The following PTPN12 variants were observed in gnomAD, a reference collection of about 807,000 sequenced individuals.
PTPN12 encodes tyrosine-protein phosphatase non-receptor type 12.
A neutral mutation model predicts 97.6 loss-of-function variants in PTPN12; 29 were observed. That is an observed-to-expected ratio of 0.30 (90% confidence interval 0.22 to 0.41). PTPN12 has a LOEUF of 0.41. Ranked by LOEUF, PTPN12 falls within the 10% of genes least tolerant of loss-of-function variation. The pLI is 1.00. For missense variants in PTPN12, 819 were observed against 926.0 expected (o/e 0.88, Z 1.50); for synonymous variants, 327 against 300.4 (o/e 1.09, Z -0.91).
At chr7:77,558,320 GT>G (rs1807823200) in intron 1 of PTPN12, among the ~76,000 whole-genome samples, 1 of 152,140 alleles carries the variant, frequency 6.6e-6, no homozygotes, top group South Asian at 2.1e-4. Context: ...GGTGAAGCCT[GT>G]TTTGGAAGGC....
intron 2 of PTPN12, among the ~76,000 whole-genome samples, chr7:77,575,974 C>T (rs1381399289): frequency 6.6e-6 from 1 of 152,130 alleles, no homozygotes; most frequent in Non-Finnish European, 1.5e-5. Context: ...GTCTCAGCCT[C>T]CTGAGTAGCT....
At chr7:77,596,664 A>G (rs1788032053) in intron 6 of PTPN12, among the ~76,000 whole-genome samples, 1 of 152,222 alleles carries the variant, frequency 6.6e-6, no homozygotes, top group Admixed American at 6.5e-5. Context: ...CGTCCACCTC[A>G]GCCTCTCAAA....
At chr7:77,566,666 G>A (rs1229088203) in intron 1 of PTPN12, among the ~76,000 whole-genome samples, 2 of 152,104 alleles carry the variant, frequency 1.3e-5, no homozygotes, top group Admixed American at 1.3e-4. Flanking sequence ...TAAGACTGCA[G>A]TGAGCTGTGA....
At chr7:77,566,181 G>A (rs1808247872) in intron 1 of PTPN12, among the ~76,000 whole-genome samples, 1 of 152,224 alleles carries the variant, frequency 6.6e-6, no homozygotes, top group Non-Finnish European at 1.5e-5. Flanking sequence ...GCTAGTCATA[G>A]TGGTGGTGAG....
chr7:77,620,433 T>A (rs952253749), intron 12 of PTPN12, among the ~76,000 whole-genome samples: 11 of 152,242 alleles, frequency 7.2e-5, no homozygotes, highest in Non-Finnish European at 1.5e-4. Context: ...CATGCATAGG[T>A]CACCTTTTTT....
At chr7:77,579,059 A>AT (rs1159308473) in intron 2 of PTPN12, among the ~76,000 whole-genome samples, 3 of 152,198 alleles carry the variant, frequency 2.0e-5, no homozygotes, top group Admixed American at 2.0e-4. Flanking sequence ...CGTTCCAGTC[A>AT]TTTAAAAAAA....
chr7:77,591,721 C>G (rs541705542), intron 5 of PTPN12, among the ~76,000 whole-genome samples: 38 of 152,142 alleles, frequency 2.5e-4, no homozygotes, highest in Non-Finnish European at 4.4e-4. Flanking sequence ...TTAGTACTTG[C>G]AAAATTCTTC....
chr7:77,541,166 C>T (rs1012609396), intron 1 of PTPN12, among the ~76,000 whole-genome samples: 35 of 152,322 alleles, frequency 2.3e-4, no homozygotes, highest in Admixed American at 2.1e-3. Context: ...TCCTGGCTCA[C>T]GGCAGCGTCG....
At chr7:77,586,827 T>A (rs1207264998) in intron 5 of PTPN12, among the ~76,000 whole-genome samples, 2 of 152,224 alleles carry the variant, frequency 1.3e-5, no homozygotes, top group Non-Finnish European at 2.9e-5. Flanking sequence ...TCACCAAAAG[T>A]ATATTCCATC....
At chr7:77,618,108 C>CT (rs1023466690) in intron 11 of PTPN12, among the ~76,000 whole-genome samples, 28 of 150,476 alleles carry the variant, frequency 1.9e-4, no homozygotes, top group East Asian at 3.9e-4. Context: ...TATTTGTTGG[C>CT]TTTTTTTTTG....
rs547741475 is a variant in PTPN12, at chr7:77,611,549, A to AT, written c.939+507dup. Among the ~76,000 whole-genome samples, 1,043 of 152,212 alleles carry AT rather than the reference A, an allele frequency of 6.9e-3. 5 individuals are homozygous for AT. Among genetic ancestry groups the AT allele is most frequent in the Non-Finnish European group, 0.012 (795 of 68,018 alleles). ...AACCTCTACCTCCCAAGTTCAAGTG[A>AT]TTTTCCTGCCTCAGCCTCCTGAGTA... is the stretch of plus-strand genomic sequence containing the variant. On this transcript the variant is annotated intron_variant, in intron 11 of 17. Transcript: ENST00000248594.
At chr7:77,543,291 A>C (rs1364486084) in intron 1 of PTPN12, among the ~76,000 whole-genome samples, 1 of 150,138 alleles carries the variant, frequency 6.7e-6, no homozygotes, top group Non-Finnish European at 1.5e-5. Flanking sequence ...TTGAAAGTAG[A>C]TGGTAGGAGC....
At chr7:77,613,096 TTAATC>T (rs904540272) in intron 11 of PTPN12, among the ~76,000 whole-genome samples, 6 of 151,612 alleles carry the variant, frequency 4.0e-5, no homozygotes, top group Non-Finnish European at 8.8e-5. Flanking sequence ...TTTGTATAAT[TTAATC>T]TAAGTTGAGA....
intron 12 of PTPN12, among the ~76,000 whole-genome samples, chr7:77,620,767 G>C (rs1452845641): frequency 2.0e-5 from 3 of 151,538 alleles, no homozygotes; most frequent in Non-Finnish European, 4.4e-5. Context: ...GATCAATATG[G>C]TGAAACCCCG....
intron 16 of PTPN12, 139 bp from the exon 17 acceptor site, chr7:77,638,485 T>C: frequency 7.9e-7 from 1 of 1,259,162 alleles, no homozygotes; most frequent in East Asian, 3.1e-5. Context: ...TTTATATTGT[T>C]CTTGACCTGT....
chr7:77,619,047 A>AG (rs1788847244), intron 12 of PTPN12, among the ~76,000 whole-genome samples: 1 of 152,096 alleles, frequency 6.6e-6, no homozygotes, highest in Non-Finnish European at 1.5e-5. Context: ...CTTCTTGTTC[A>AG]GGGTAGCTGC....
intron 1 of PTPN12, among the ~76,000 whole-genome samples, chr7:77,562,158 A>G (rs1048539799): frequency 1.4e-4 from 22 of 152,014 alleles, no homozygotes; most frequent in Non-Finnish European, 3.1e-4. Flanking sequence ...GGTTCAAGCG[A>G]TTCTCCTGCC....
intron 5 of PTPN12, among the ~76,000 whole-genome samples, chr7:77,590,426 C>T (rs142828203): frequency 1.3e-5 from 2 of 152,100 alleles, no homozygotes; most frequent in African/African-American, 4.8e-5. Flanking sequence ...ATTTAAGGTC[C>T]AAGTGTAAGT....
At chr7:77,638,920 A>G (rs1251544669) in intron 17 of PTPN12, 189 bp downstream of exon 17, 1 of 1,007,856 alleles carries the variant, frequency 9.9e-7, no homozygotes, top group African/African-American at 1.7e-5. Flanking sequence ...AAAATAGAAA[A>G]CTGCAGTATA....
Sources: gnomAD v4.1 joint callset for allele counts (sites outside exome capture counted in the v4.1 genomes callset) on GRCh38, gnomAD v4.1.1 for gene constraint, MANE v1.5 for transcripts, NCBI Gene and HGNC (gene_info 2026-07-23, HGNC 2026-07-21) for gene names.